The following SMYD3 variants were observed in gnomAD, a reference collection of about 807,000 sequenced individuals.
SMYD3 encodes histone-lysine N-methyltransferase SMYD3.
SMYD3 carries 36 observed loss-of-function variants against 57.7 expected under a neutral mutation model. The observed-to-expected ratio is 0.62, with a 90% CI of 0.48 to 0.82. SMYD3 has a LOEUF of 0.82. Among genes scored for constraint, SMYD3 ranks in the 40% least tolerant of loss-of-function variants. The pLI is 0.00. For missense variants in SMYD3, 515 were observed against 538.8 expected, an observed-to-expected ratio of 0.96 and a Z score of 0.44; for synonymous variants, 211 against 195.0, an observed-to-expected ratio of 1.08 and a Z score of -0.68.
intron 10 of SMYD3, among the ~76,000 whole-genome samples, chr1:245,784,782 T>C (rs2046967381): frequency 6.6e-6 from 1 of 151,876 alleles, no homozygotes; most frequent in Non-Finnish European, 1.5e-5. Context: ...TGCTGCATTC[T>C]AGCAGTTACA....
chr1:245,951,421 T>G (rs1356189690), intron 5 of SMYD3, among the ~76,000 whole-genome samples: 6 of 137,670 alleles, frequency 4.4e-5, no homozygotes, highest in African/African-American at 1.5e-4. Context: ...TACAAAAAAT[T>G]AGCTGGGCGA....
intron 1 of SMYD3, among the ~76,000 whole-genome samples, chr1:246,485,748 C>T (rs912392153): frequency 1.4e-4 from 21 of 152,246 alleles, no homozygotes; most frequent in African/African-American, 5.1e-4. Context: ...TAGGATCACA[C>T]CACTGCAGTC....
intron 5 of SMYD3, among the ~76,000 whole-genome samples, chr1:246,087,632 T>C (rs1041607830): frequency 6.6e-6 from 1 of 152,206 alleles, no homozygotes; most frequent in African/African-American, 2.4e-5. Flanking sequence ...TCCAAAACAC[T>C]TTAGCCTACC....
At chr1:246,059,214 C>T (rs369879324) in intron 5 of SMYD3, among the ~76,000 whole-genome samples, 5 of 152,090 alleles carry the variant, frequency 3.3e-5, no homozygotes, top group East Asian at 1.9e-4. Context: ...AATTCACCAG[C>T]GGTAAAAGTA....
At chr1:246,018,158 C>T (rs1202606681) in intron 5 of SMYD3, among the ~76,000 whole-genome samples, 1 of 152,194 alleles carries the variant, frequency 6.6e-6, no homozygotes. Context: ...GTGGAACACA[C>T]AGACACAAAG....
At chr1:246,134,970 A>G (rs1449554636) in intron 5 of SMYD3, among the ~76,000 whole-genome samples, 1 of 151,914 alleles carries the variant, frequency 6.6e-6, no homozygotes, top group Non-Finnish European at 1.5e-5. Flanking sequence ...TATGCTGAAG[A>G]GGCTGCTGTT....
At chr1:246,380,684 CAG>C (rs1019143273) in intron 1 of SMYD3, among the ~76,000 whole-genome samples, 14 of 152,200 alleles carry the variant, frequency 9.2e-5, no homozygotes, top group African/African-American at 3.1e-4. Context: ...GATGCTACGA[CAG>C]AGGCAGAATA....
chr1:245,860,724 C>T (rs1206199018), intron 9 of SMYD3, among the ~76,000 whole-genome samples: 2 of 152,214 alleles, frequency 1.3e-5, no homozygotes, highest in African/African-American at 4.8e-5. Flanking sequence ...AATGTATCCC[C>T]TAGAGGTTGG....
At chr1:246,372,498 A>C (rs150896739) in intron 1 of SMYD3, among the ~76,000 whole-genome samples, 1 of 152,198 alleles carries the variant, frequency 6.6e-6, no homozygotes, top group East Asian at 1.9e-4. Flanking sequence ...TATTCAGATA[A>C]TCTTACTTCC....
intron 5 of SMYD3, among the ~76,000 whole-genome samples, chr1:246,006,982 C>T (rs1447724022): frequency 6.6e-6 from 1 of 152,228 alleles, no homozygotes; most frequent in Non-Finnish European, 1.5e-5. Flanking sequence ...TCACTCCTCC[C>T]TTCCTTCCTG....
chr1:246,487,665 C>T (rs1217144354), intron 1 of SMYD3, among the ~76,000 whole-genome samples: 4 of 151,822 alleles, frequency 2.6e-5, no homozygotes, highest in African/African-American at 4.8e-5. Flanking sequence ...GAAAACCATG[C>T]CCAGTGTCTA....
intron 10 of SMYD3, among the ~76,000 whole-genome samples, chr1:245,785,898 T>C (rs2047019758): frequency 6.6e-6 from 1 of 150,988 alleles, no homozygotes; most frequent in South Asian, 2.1e-4. Flanking sequence ...AGAGATGGAG[T>C]CTCCCTATAT....
intron 5 of SMYD3, among the ~76,000 whole-genome samples, chr1:246,186,563 C>A (rs1051639162): frequency 1.3e-5 from 2 of 151,842 alleles, no homozygotes; most frequent in African/African-American, 4.8e-5. Context: ...TGGGTGAATT[C>A]AAAAAACAGA....
At chr1:246,427,070 G>T (rs919638828) in intron 1 of SMYD3, among the ~76,000 whole-genome samples, 9 of 152,114 alleles carry the variant, frequency 5.9e-5, no homozygotes, top group Admixed American at 5.9e-4. Context: ...CAAGAAGCAA[G>T]GCGACTAGAT....
intron 1 of SMYD3, among the ~76,000 whole-genome samples, chr1:246,362,986 T>C (rs1435821700): frequency 1.3e-5 from 2 of 150,064 alleles, no homozygotes; most frequent in East Asian, 4.0e-4. Context: ...GGAGCGTCTC[T>C]GCCCAGCCGC....
intron 5 of SMYD3, among the ~76,000 whole-genome samples, chr1:246,286,854 G>A (rs2064576465): frequency 6.6e-6 from 1 of 151,156 alleles, no homozygotes; most frequent in African/African-American, 2.4e-5. Context: ...ATGACCTCAA[G>A]ATATAATAAA....
chr1:246,266,026 A>C (rs1188595737), intron 5 of SMYD3, among the ~76,000 whole-genome samples: 1 of 152,078 alleles, frequency 6.6e-6, no homozygotes, highest in African/African-American at 2.4e-5. Flanking sequence ...CCTTCCTTAG[A>C]ATTTTGAGCT....
At chr1:246,397,342 A>G (rs1452742429) in intron 1 of SMYD3, among the ~76,000 whole-genome samples, 1 of 152,180 alleles carries the variant, frequency 6.6e-6, no homozygotes, top group Non-Finnish European at 1.5e-5. Context: ...CTGTGGAAAA[A>G]TGATCTTCCA....
intron 1 of SMYD3, among the ~76,000 whole-genome samples, chr1:246,399,999 A>G (rs74367074): frequency 0.029 from 4,374 of 152,304 alleles, 103 homozygotes; most frequent in Non-Finnish European, 0.043. Context: ...AGATTACATT[A>G]ATTTTATACT....
Sources: allele counts gnomAD v4.1 joint callset (sites outside exome capture counted in the v4.1 genomes callset), GRCh38; gene constraint gnomAD v4.1.1; transcripts MANE v1.5; gene names NCBI Gene and HGNC (gene_info 2026-07-23, HGNC 2026-07-21).